SNX29: variants seen among roughly 807,000 people sequenced by gnomAD.
SNX29 encodes sorting nexin 29.
SNX29 carries 78 observed loss-of-function variants against 102.1 expected under a neutral mutation model. That is an observed-to-expected ratio of 0.76 (90% CI 0.64 to 0.92). The LOEUF is 0.92. Ranked by LOEUF, SNX29 falls within the 40% of genes least tolerant of loss-of-function variation. The pLI is 0.00. For missense variants in SNX29, 1,280 were observed against 1,061.7 expected (o/e 1.21, Z -2.86); for synonymous variants, 580 against 414.5 (o/e 1.40, Z -4.85).
chr16:12,547,744 T>G (rs529354950), intron 20 of SNX29, among the ~76,000 whole-genome samples: 31 of 152,202 alleles, frequency 2.0e-4, no homozygotes, highest in African/African-American at 5.5e-4. Flanking sequence ...CCTCTAAGCC[T>G]CCTCCTGTGA....
intron 18 of SNX29, among the ~76,000 whole-genome samples, chr16:12,465,088 C>G (rs1415059151): frequency 6.6e-6 from 1 of 152,156 alleles, no homozygotes; most frequent in Non-Finnish European, 1.5e-5. Context: ...ATTTTAAAAT[C>G]AGATTATTTG....
intron 11 of SNX29, among the ~76,000 whole-genome samples, chr16:12,111,970 G>T (rs987697061): frequency 6.6e-6 from 1 of 152,122 alleles, no homozygotes; most frequent in Non-Finnish European, 1.5e-5. Context: ...GGAGCAGGGC[G>T]TCCGCAGACA....
chr16:12,479,935 TGGGGTGAGTCGTGACTTAACATTATCCA>T (rs1400940078), intron 19 of SNX29, among the ~76,000 whole-genome samples: 1 of 152,152 alleles, frequency 6.6e-6, no homozygotes, highest in Non-Finnish European at 1.5e-5. Flanking sequence ...TAACATTGTC[TGGGGTGAGTCGTGACTTAACATTATCCA>T]GGGGTGCCTG....
chr16:12,377,222 A>G (rs375868761), intron 16 of SNX29, among the ~76,000 whole-genome samples: 3 of 152,194 alleles, frequency 2.0e-5, no homozygotes, highest in East Asian at 1.9e-4. Context: ...ATATTAGTCA[A>G]CGTAGGTTCA....
intron 18 of SNX29, among the ~76,000 whole-genome samples, chr16:12,431,332 ACAGCCC>A (rs953117943): frequency 1.1e-4 from 17 of 149,004 alleles, no homozygotes; most frequent in African/African-American, 1.8e-4. Context: ...CCTCCAATTA[ACAGCCC>A]CAGGGGTCTG....
intron 15 of SNX29, among the ~76,000 whole-genome samples, chr16:12,300,561 A>G (rs1042669774): frequency 2.6e-5 from 4 of 152,182 alleles, no homozygotes; most frequent in African/African-American, 9.7e-5. Flanking sequence ...ATTCCTATGT[A>G]ACTGCTTTTC....
chr16:12,215,235 C>A (rs961349053), intron 14 of SNX29, among the ~76,000 whole-genome samples: 17 of 151,838 alleles, frequency 1.1e-4, no homozygotes, highest in African/African-American at 3.9e-4. Context: ...CGGCTTCCAC[C>A]TGTAATCCCA....
chr16:12,245,227 T>C (rs2078226091), intron 14 of SNX29, among the ~76,000 whole-genome samples: 1 of 152,200 alleles, frequency 6.6e-6, no homozygotes, highest in Non-Finnish European at 1.5e-5. Flanking sequence ...CCCTATGAGC[T>C]GTGTGACCTC....
intron 19 of SNX29, among the ~76,000 whole-genome samples, chr16:12,517,851 G>A (rs1416388046): frequency 1.3e-5 from 2 of 152,192 alleles, no homozygotes; most frequent in Non-Finnish European, 1.5e-5. Flanking sequence ...GAGGTCTCTC[G>A]GAGGTATTGG....
chr16:12,289,841 C>T (rs375653186), intron 15 of SNX29, among the ~76,000 whole-genome samples: 99 of 152,126 alleles, frequency 6.5e-4, no homozygotes, highest in African/African-American at 2.2e-3. Context: ...GTCGTGTGGC[C>T]TTGATGGACG....
At chr16:12,136,592 G>A (rs2054669336) in intron 13 of SNX29, among the ~76,000 whole-genome samples, 1 of 152,180 alleles carries the variant, frequency 6.6e-6, no homozygotes, top group Admixed American at 6.5e-5. Flanking sequence ...CCTTGGCGCC[G>A]CCCTCTGCGC....
intron 14 of SNX29, among the ~76,000 whole-genome samples, chr16:12,255,303 C>G (rs1341803416): frequency 2.6e-5 from 4 of 152,108 alleles, no homozygotes; most frequent in Admixed American, 6.5e-5. Context: ...TCAAGTGATT[C>G]TCCTGCCTCA....
Position 12,270,618 on chromosome 16 carries a change from C to G in SNX29, c.1679-7315C>G, listed in dbSNP as rs2079061922. On this transcript the variant is annotated intron_variant, in intron 14 of 20. Coordinates refer to ENST00000566228, the MANE Select transcript of SNX29 (RefSeq NM_032167.5). ...TTCCCTCACTTTGTAAATATTAATC[C>G]TTATGCTGTGGAGCAACATGGCACA... Among the ~76,000 whole-genome samples the G allele has an allele frequency of 3.3e-5, 5 of 152,136 alleles. No homozygotes were observed. The South Asian group carries it at 1.0e-3, about 32-fold the overall frequency.
At chr16:12,535,895 C>G (rs372268072) in intron 20 of SNX29, among the ~76,000 whole-genome samples, 2 of 152,166 alleles carry the variant, frequency 1.3e-5, no homozygotes, top group Admixed American at 6.5e-5. Flanking sequence ...ATCTCCCCTT[C>G]TTTGAGGTTA....
intron 4 of SNX29, among the ~76,000 whole-genome samples, chr16:12,038,383 G>T (rs183380397): frequency 1.4e-4 from 22 of 152,306 alleles, no homozygotes; most frequent in African/African-American, 3.4e-4. Context: ...AGTGTCCTCT[G>T]TTAACAGGTG....
chr16:12,035,764 A>G (rs2057455656), intron 4 of SNX29, among the ~76,000 whole-genome samples: 1 of 151,918 alleles, frequency 6.6e-6, no homozygotes, highest in African/African-American at 2.4e-5. Flanking sequence ...AGGCTGTGGT[A>G]TGTAGTCCTT....
At chr16:12,535,137 C>T (rs576387057) in intron 20 of SNX29, among the ~76,000 whole-genome samples, 2 of 152,234 alleles carry the variant, frequency 1.3e-5, no homozygotes, top group Admixed American at 1.3e-4. Context: ...GGTATTAGGC[C>T]AGGAGCTTTT....
rs911504836 is a variant in SNX29, at chr16:12,087,736, G to A, written c.1402+8821G>A. ...ACTGGTCCATTGTACAGATGAGAAA[G>A]TCACTGAGGCAGAGGCCAAATACAG... is the stretch of plus-strand genomic sequence containing the variant. On this transcript the variant is annotated intron_variant, in intron 11 of 20. Coordinates refer to ENST00000566228, the MANE Select transcript of SNX29 (RefSeq NM_032167.5). The A allele has an allele frequency of 2.2e-5, 9 of 409,868 alleles. No individual in the cohort carries two copies. In the Admixed American group the frequency reaches 2.3e-4, roughly 11 times the overall value. The allele number at this position is 409,868 out of a possible 1,614,324, so 25.4% of individuals were successfully genotyped here. A position where few individuals can be genotyped will look rare whatever the true frequency, so the allele number is the denominator to read the frequency against.
intron 14 of SNX29, among the ~76,000 whole-genome samples, chr16:12,217,547 C>A (rs1325713328): frequency 6.6e-6 from 1 of 152,196 alleles, no homozygotes; most frequent in African/African-American, 2.4e-5. Flanking sequence ...TGTAGTATGT[C>A]TGCCACCCGT....
Sources: allele counts gnomAD v4.1 joint callset (sites outside exome capture counted in the v4.1 genomes callset), GRCh38; gene constraint gnomAD v4.1.1; transcripts MANE v1.5; gene names NCBI Gene and HGNC (gene_info 2026-07-23, HGNC 2026-07-21).